Variants in DAOA observed in about 807,000 individuals in gnomAD.
The protein encoded by DAOA is D-amino acid oxidase activator.
In DAOA, 15 loss-of-function variants were observed where a neutral mutation model predicts 16.4. The observed-to-expected ratio is 0.91, with a 90% CI of 0.61 to 1.41. The LOEUF (loss-of-function observed/expected upper bound fraction) is 1.41. Ranked by LOEUF, DAOA falls within the 40% of genes most tolerant of loss-of-function variation. The probability of loss-of-function intolerance (pLI) is 0.00; values close to 1 mark genes in which losing one functional copy is unlikely to be tolerated. For synonymous variants in DAOA, 75 were observed against 59.1 expected, an observed-to-expected ratio of 1.27 and a Z score of -1.23; for missense variants, 230 against 176.8, an observed-to-expected ratio of 1.30 and a Z score of -1.71.
intron 4 of DAOA, among the ~76,000 whole-genome samples, chr13:105,478,129 A>T (rs1236992684): frequency 6.6e-6 from 1 of 152,200 alleles, no homozygotes; most frequent in African/African-American, 2.4e-5. Context: ...GCCTATAAGA[A>T]ATTTTAAGCT....
chr13:105,485,152 T>C (rs1247721994), intron 4 of DAOA, among the ~76,000 whole-genome samples: 1 of 152,190 alleles, frequency 6.6e-6, no homozygotes, highest in Non-Finnish European at 1.5e-5. Context: ...AGTTATCTAC[T>C]TGCATAGCTT....
rs149904382 is a variant in DAOA, at chr13:105,467,927, A to G, written c.133+786A>G. Among the ~76,000 whole-genome samples, 569 of 152,288 alleles carry G rather than the reference A, an allele frequency of 3.7e-3. 4 individuals carry two copies. Among genetic ancestry groups the G allele is most frequent in the African/African-American group, 0.013 (526 of 41,576 alleles). On this transcript the variant is annotated intron_variant, in intron 3 of 5. Transcript: ENST00000375936. ...TTATTTCATAGTTCTCATCAGGCTG[A>G]CAGACATCTTACCTGGCTAAAAGCA...
intron 4 of DAOA, among the ~76,000 whole-genome samples, chr13:105,484,716 A>C (rs373490811): frequency 6.6e-6 from 1 of 152,132 alleles, no homozygotes; most frequent in Non-Finnish European, 1.5e-5. Flanking sequence ...TGTATGTTTC[A>C]TAGTTATTTA....
chr13:105,481,851 A>G (rs1020868481), intron 4 of DAOA, among the ~76,000 whole-genome samples: 2 of 152,218 alleles, frequency 1.3e-5, no homozygotes, highest in African/African-American at 4.8e-5. Flanking sequence ...TTCCCTTAGA[A>G]GACAAACATT....
At chr13:105,484,409 G>A (rs910729489) in intron 4 of DAOA, among the ~76,000 whole-genome samples, 4 of 151,990 alleles carry the variant, frequency 2.6e-5, no homozygotes, top group African/African-American at 9.7e-5. Flanking sequence ...ATGAATTTGG[G>A]GACAACTGAC....
intron 4 of DAOA, among the ~76,000 whole-genome samples, chr13:105,485,177 A>G (rs1566382914): frequency 1.3e-5 from 2 of 152,304 alleles, no homozygotes; most frequent in African/African-American, 4.8e-5. Flanking sequence ...GATAATTTGA[A>G]TAGAAATGAC....
chr13:105,488,325 G>C (rs879635296), intron 4 of DAOA, among the ~76,000 whole-genome samples: 3 of 152,112 alleles, frequency 2.0e-5, no homozygotes, highest in Non-Finnish European at 4.4e-5. Context: ...TTTATGAAAA[G>C]ATAACTCAAA....
rs773624451 is a variant in DAOA, at chr13:105,490,007, T to G, written c.388T>G (p.Trp130Gly). Residue 130 changes from tryptophan (W) to glycine (G), a missense_variant, in exon 5 of 6, where the codon TGG becomes GGG. Physicochemically the swap from Trp to Gly is radical, Grantham distance 184. Transcript: ENST00000375936. ...KDRRQPLERM[W>G]TCNYNQQKDQ... ...CCGCAGGCAGCCTCTAGAACGAATG[T>G]GGACCTGCAACTACAACCAGCAAAA... 2 of 1,612,234 alleles carry G rather than the reference T, an allele frequency of 1.2e-6. No homozygotes were observed. Among genetic ancestry groups the G allele is most frequent in the African/African-American group, 2.7e-5 (2 of 74,848 alleles).
chr13:105,467,377 T>C (rs1479729776), intron 3 of DAOA, among the ~76,000 whole-genome samples: 1 of 152,196 alleles, frequency 6.6e-6, no homozygotes, highest in African/African-American at 2.4e-5. Flanking sequence ...ATATAACTTA[T>C]GAAGAGATCG....
chr13:105,472,319 C>G (rs1877014008), intron 3 of DAOA, among the ~76,000 whole-genome samples: 1 of 152,170 alleles, frequency 6.6e-6, no homozygotes, highest in South Asian at 2.1e-4. Context: ...AGAGAGAAGC[C>G]ACCCTTCGTT....
At chr13:105,474,305 T>C (rs758614003) in intron 4 of DAOA, among the ~76,000 whole-genome samples, 1 of 152,052 alleles carries the variant, frequency 6.6e-6, no homozygotes, top group Admixed American at 6.6e-5. Context: ...TTGCTAAACA[T>C]CTTTCAAAAG....
At chr13:105,466,615 G>A (rs1249613650) in intron 2 of DAOA, among the ~76,000 whole-genome samples, 2 of 152,178 alleles carry the variant, frequency 1.3e-5, no homozygotes, top group South Asian at 2.1e-4. Flanking sequence ...TCCACAGCAG[G>A]CAGACAGCTT....
intron 4 of DAOA, among the ~76,000 whole-genome samples, chr13:105,482,138 A>G (rs1566380948): frequency 6.6e-6 from 1 of 151,788 alleles, no homozygotes; most frequent in Non-Finnish European, 1.5e-5. Context: ...CCCATGATTC[A>G]GTTACCTCCC....
At chr13:105,466,355 C>T in intron 2 of DAOA, 23 bp downstream of exon 2, 1 of 1,613,806 alleles carries the variant, frequency 6.2e-7, no homozygotes, top group East Asian at 2.2e-5. Flanking sequence ...GGGTTTTTTA[C>T]AGCATGGCGG....
At chr13:105,477,055 T>C (rs977195764) in intron 4 of DAOA, 1 of 152,236 alleles carries the variant, frequency 6.6e-6, no homozygotes, top group African/African-American at 2.4e-5. Context: ...TTCTCTTACT[T>C]TCTCCTGTCT....
chr13:105,478,012 G>A (rs1877457438), intron 4 of DAOA, among the ~76,000 whole-genome samples: 1 of 152,056 alleles, frequency 6.6e-6, no homozygotes, highest in Admixed American at 6.6e-5. Flanking sequence ...GATCTCTACT[G>A]TGCAGTATTA....
At chr13:105,471,539 G>A (rs1214390068) in intron 3 of DAOA, among the ~76,000 whole-genome samples, 3 of 152,138 alleles carry the variant, frequency 2.0e-5, no homozygotes, top group African/African-American at 7.2e-5. Context: ...AAATAAGAAA[G>A]GGAGTGCTAT....
At chr13:105,480,879 G>A (rs1877694631) in intron 4 of DAOA, among the ~76,000 whole-genome samples, 1 of 152,046 alleles carries the variant, frequency 6.6e-6, no homozygotes, top group African/African-American at 2.4e-5. Flanking sequence ...CTGATGAGAC[G>A]GCACCTGCCC....
intron 4 of DAOA, among the ~76,000 whole-genome samples, chr13:105,487,094 G>A (rs1326978768): frequency 6.6e-6 from 1 of 152,170 alleles, no homozygotes; most frequent in Non-Finnish European, 1.5e-5. Context: ...AGGAAAAGGA[G>A]AGAGAACAGA....
Sources: allele counts gnomAD v4.1 joint callset (sites outside exome capture counted in the v4.1 genomes callset), GRCh38; gene constraint gnomAD v4.1.1; transcripts MANE v1.5; gene names NCBI Gene and HGNC (gene_info 2026-07-23, HGNC 2026-07-21).